The following RALYL variants were observed in gnomAD, a reference collection of about 807,000 sequenced individuals.
RALYL encodes RNA-binding Raly-like protein.
A neutral mutation model predicts 35.1 loss-of-function variants in RALYL; 29 were observed. The ratio of observed to expected loss-of-function variants is 0.83; its 90% confidence interval spans 0.61 to 1.13. RALYL has a LOEUF of 1.13. RALYL is among the 50% of genes most tolerant of loss of function. The probability of loss-of-function intolerance (pLI) is 0.00; values close to 1 mark genes in which losing one functional copy is unlikely to be tolerated. For missense variants in RALYL, 359 were observed against 360.4 expected (o/e 1.00, Z 0.03); for synonymous variants, 120 against 127.6 (o/e 0.94, Z 0.40).
chr8:84,377,982 G>A (rs1299034360), intron 1 of RALYL, among the ~76,000 whole-genome samples: 1 of 151,874 alleles, frequency 6.6e-6, no homozygotes, highest in Non-Finnish European at 1.5e-5. Flanking sequence ...ATTTAACAAA[G>A]CAATGAGATT....
intron 1 of RALYL, among the ~76,000 whole-genome samples, chr8:84,387,918 T>G (rs951838889): frequency 6.6e-6 from 1 of 151,936 alleles, no homozygotes; most frequent in African/African-American, 2.4e-5. Context: ...TATGTATACA[T>G]GTGCCATGCT....
intron 1 of RALYL, among the ~76,000 whole-genome samples, chr8:84,209,141 A>G (rs1157999068): frequency 1.3e-5 from 2 of 150,572 alleles, no homozygotes; most frequent in Non-Finnish European, 3.0e-5. Flanking sequence ...AAAAAAAAAA[A>G]AAAGAAAAGA....
chr8:84,535,733 C>T (rs2059565154), intron 2 of RALYL, among the ~76,000 whole-genome samples: 1 of 151,716 alleles, frequency 6.6e-6, no homozygotes, highest in South Asian at 2.1e-4. Context: ...CTCGGCCTCC[C>T]AAAGTGCTGG....
At chr8:84,208,835 C>G (rs1023932342) in intron 1 of RALYL, among the ~76,000 whole-genome samples, 2 of 151,882 alleles carry the variant, frequency 1.3e-5, no homozygotes, top group African/African-American at 4.8e-5. Context: ...ACAAACAAAG[C>G]GGAAACTTTC....
chr8:84,289,194 T>G (rs1034741210), intron 1 of RALYL, among the ~76,000 whole-genome samples: 1 of 152,154 alleles, frequency 6.6e-6, no homozygotes, highest in Non-Finnish European at 1.5e-5. Flanking sequence ...CAGCACTATC[T>G]CCCTTGATGT....
chr8:84,760,415 G>T (rs1239822775), intron 2 of RALYL, among the ~76,000 whole-genome samples: 5 of 151,908 alleles, frequency 3.3e-5, no homozygotes, highest in Admixed American at 6.6e-5. Flanking sequence ...TACAAGCAGA[G>T]ATATAAGTAT....
At chr8:84,370,523 C>T (rs552051821) in intron 1 of RALYL, among the ~76,000 whole-genome samples, 37 of 151,680 alleles carry the variant, frequency 2.4e-4, no homozygotes, top group Middle Eastern at 3.4e-3. Context: ...GTCTGTTAAA[C>T]GGGGAACCAT....
chr8:84,214,359 G>A (rs1471034454), intron 1 of RALYL, among the ~76,000 whole-genome samples: 1 of 151,900 alleles, frequency 6.6e-6, no homozygotes, highest in African/African-American at 2.4e-5. Flanking sequence ...AGCCTGGGAT[G>A]GAATGAGTCT....
At position 84,785,362 on chromosome 8, in the gene RALYL, T is replaced by TA. The variant is rs920712937; in HGVS notation, c.332+10717dup. ...CCTGCCCAAACTAATTAAGTGATTATAAAAAAAAATCAACCTCTTTAAGCC... is the reference window on the plus strand; with the variant it reads ...CCTGCCCAAACTAATTAAGTGATTATAAAAAAAAAATCAACCTCTTTAAGCC... On this transcript the variant is annotated intron_variant, in intron 3 of 8. Transcript: ENST00000521268. 2.9e-4 allele frequency among the ~76,000 whole-genome samples: 44 copies of TA among 151,704 alleles called. 1 individual carries two copies. The highest frequency in any genetic ancestry group is 3.4e-3 in the Middle Eastern group (1 of 292).
intron 1 of RALYL, among the ~76,000 whole-genome samples, chr8:84,229,836 A>G (rs1444837367): frequency 6.6e-6 from 1 of 152,194 alleles, no homozygotes; most frequent in African/African-American, 2.4e-5. Context: ...GGCAGAGCTG[A>G]GACTGGAACT....
intron 1 of RALYL, among the ~76,000 whole-genome samples, chr8:84,286,677 G>C (rs1354578562): frequency 2.0e-5 from 3 of 152,164 alleles, no homozygotes; most frequent in Non-Finnish European, 4.4e-5. Flanking sequence ...GATCTAGAAA[G>C]GTGGGACATC....
At chr8:84,678,851 T>G (rs543266718) in intron 2 of RALYL, 38 of 176,124 alleles carry the variant, frequency 2.2e-4, no homozygotes, top group Admixed American at 1.1e-3. Context: ...ATGAGAAGGA[T>G]GACAAACACT....
At chr8:84,777,632 T>C (rs560935704) in intron 3 of RALYL, among the ~76,000 whole-genome samples, 1 of 152,056 alleles carries the variant, frequency 6.6e-6, no homozygotes, top group Admixed American at 6.5e-5. Flanking sequence ...AGTCTGTGTT[T>C]TGTTTTGTTT....
intron 7 of RALYL, among the ~76,000 whole-genome samples, chr8:84,881,826 G>A (rs532325910): frequency 6.6e-6 from 1 of 151,940 alleles, no homozygotes; most frequent in East Asian, 1.9e-4. Flanking sequence ...CTTAAAATTG[G>A]TTATTGAAGA....
At chr8:84,627,493 T>C (rs1822992134) in intron 2 of RALYL, among the ~76,000 whole-genome samples, 1 of 149,130 alleles carries the variant, frequency 6.7e-6, no homozygotes, top group Non-Finnish European at 1.5e-5. Context: ...CAATTTTCAG[T>C]TTTTATCTCC....
chr8:84,271,649 T>C (rs544891404), intron 1 of RALYL, among the ~76,000 whole-genome samples: 1 of 152,098 alleles, frequency 6.6e-6, no homozygotes, highest in African/African-American at 2.4e-5. Context: ...GATGGACTAC[T>C]ACCCAGCAGT....
At chr8:84,863,229 G>A (rs957073109) in intron 6 of RALYL, among the ~76,000 whole-genome samples, 3 of 152,226 alleles carry the variant, frequency 2.0e-5, no homozygotes, top group Non-Finnish European at 4.4e-5. Flanking sequence ...TTCATTGACT[G>A]AGGTGACATT....
intron 1 of RALYL, among the ~76,000 whole-genome samples, chr8:84,223,505 G>A (rs1033996255): frequency 3.3e-5 from 5 of 152,136 alleles, no homozygotes; most frequent in African/African-American, 1.2e-4. Context: ...GGAGATGGAG[G>A]TGAGCAATGA....
intron 1 of RALYL, among the ~76,000 whole-genome samples, chr8:84,381,184 C>T (rs1415692959): frequency 6.6e-6 from 1 of 152,056 alleles, no homozygotes; most frequent in South Asian, 2.1e-4. Context: ...TCCAACCTCA[C>T]TAAGGACATT....
Sources: gnomAD v4.1 joint callset for allele counts (sites outside exome capture counted in the v4.1 genomes callset) on GRCh38, gnomAD v4.1.1 for gene constraint, MANE v1.5 for transcripts, NCBI Gene and HGNC (gene_info 2026-07-23, HGNC 2026-07-21) for gene names.